The following TMEM255A variants were observed in gnomAD, a reference collection of about 807,000 sequenced individuals.
TMEM255A encodes family with sequence similarity 70, member A.
A neutral mutation model predicts 23.5 loss-of-function variants in TMEM255A; 14 were observed. That is an observed-to-expected ratio of 0.60 (90% CI 0.39 to 0.93). TMEM255A has a LOEUF of 0.93. Among genes scored for constraint, TMEM255A ranks in the 40% least tolerant of loss-of-function variants. The probability of loss-of-function intolerance (pLI) is 0.00; values close to 1 mark genes in which losing one functional copy is unlikely to be tolerated. For missense variants in TMEM255A, 233 were observed against 261.7 expected, an observed-to-expected ratio of 0.89 and a Z score of 0.76; for synonymous variants, 104 against 100.3, an observed-to-expected ratio of 1.04 and a Z score of -0.22.
intron 4 of TMEM255A, among the ~76,000 whole-genome samples, chrX:120,289,360 G>A (rs782227091): frequency 8.9e-6 from 1 of 112,248 alleles, no homozygotes; most frequent in Non-Finnish European, 1.9e-5. Context: ...GTGGTCATTA[G>A]AGGAAACTTC....
intron 5 of TMEM255A, chrX:120,285,712 T>A: frequency 8.3e-7 from 1 of 1,209,380 alleles, no homozygotes; most frequent in African/African-American, 1.7e-5. Context: ...GTAGGAAAAA[T>A]AGGGTTAGGG....
rs1180913848 is a variant in TMEM255A at position 120,258,970 on chromosome X, CAAAT to C, written c.*1896_*1899del. 1 of 112,271 alleles carries C rather than the reference CAAAT, an allele frequency of 8.9e-6. No individual in the cohort carries two copies. 9.3% of individuals were successfully genotyped at this position (112,271 alleles called of 1,213,427 possible). On this transcript the variant is annotated 3_prime_UTR_variant, in exon 9 of 9. Coordinates refer to ENST00000371369, the MANE Select transcript of TMEM255A (RefSeq NM_001104544.3). Reference sequence around the variant, plus strand: ...AATTCAATGTAATAAAAAAGCTGCTCAAATTAAGTGTTACAAAATCTATACTGTT... The same window carrying C: ...AATTCAATGTAATAAAAAAGCTGCTCTAAGTGTTACAAAATCTATACTGTT...
intron 1 of TMEM255A, among the ~76,000 whole-genome samples, chrX:120,309,280 C>G (rs1372894307): frequency 1.8e-5 from 2 of 113,368 alleles, no homozygotes; most frequent in Non-Finnish European, 3.7e-5. Flanking sequence ...TGATTCCTTT[C>G]CCGCAGTGTG....
At chrX:120,295,177 A>C (rs1243267338) in intron 2 of TMEM255A, among the ~76,000 whole-genome samples, 2 of 111,877 alleles carry the variant, frequency 1.8e-5, no homozygotes, top group African/African-American at 6.5e-5. Flanking sequence ...AAGAAGTAAA[A>C]AGTGGTGAGA....
chrX:120,309,012 C>A (rs913890467), intron 1 of TMEM255A, among the ~76,000 whole-genome samples: 2 of 112,670 alleles, frequency 1.8e-5, no homozygotes, highest in Non-Finnish European at 1.9e-5. Context: ...ACTAACCTAC[C>A]TACCCACTGT....
At position 120,277,053 on chromosome X, in the gene TMEM255A, C is replaced by T. The variant is rs782328283; in HGVS notation, c.513-6G>A. ...CACCAGTGATCTCCACCCGGCTGGA[C>T]AGGGAGGAGCATGCTCCAGTCAGTC... On this transcript the variant is annotated splice_polypyrimidine_tract_variant and splice_region_variant and intron_variant, in intron 6 of 8. Coordinates refer to ENST00000371369, the MANE Select transcript of TMEM255A (RefSeq NM_001104544.3). 1.5e-5 allele frequency: 18 copies of T among 1,202,138 alleles called. No individual in the cohort carries two copies. The Admixed American group carries it at 4.0e-4, about 26-fold the overall frequency.
chrX:120,293,868 G>T, intron 3 of TMEM255A, 121 bp downstream of exon 3: 1 of 484,325 alleles, frequency 2.1e-6, no homozygotes, highest in Non-Finnish European at 3.5e-6. Context: ...TAGGAGAAAC[G>T]GCAAAGTAGC....
chrX:120,255,145 C>T, downstream of TMEM255A: 3 of 1,211,769 alleles, frequency 2.5e-6, no homozygotes, highest in Non-Finnish European at 2.2e-6. Context: ...AGTCAAGATC[C>T]TTCTGGGGAC....
Position 120,277,030 on chromosome X carries a change from C to T in TMEM255A, c.530G>A (p.Gly177Asp). 1 of 1,208,696 alleles carries T rather than the reference C, an allele frequency of 8.3e-7. No homozygotes were observed. The highest frequency in any genetic ancestry group is 1.1e-6 in the Non-Finnish European group (1 of 893,959). ...GACATCGATGTATTCGTAGTACCCA[C>T]CAGTGATCTCCACCCGGCTGGACAG... Reference protein sequence around the residue: ...YNCGNRVEITGGYYEYIDVSS... With the variant: ...YNCGNRVEITDGYYEYIDVSS... Residue 177 changes from glycine to aspartate, a missense_variant, in exon 7 of 9, where the codon GGT becomes GAT. Gly to Asp is a moderately conservative substitution (Grantham distance 94). Transcript: ENST00000371369.
intron 7 of TMEM255A, among the ~76,000 whole-genome samples, chrX:120,272,161 A>G (rs1556018907): frequency 3.6e-5 from 4 of 111,416 alleles, no homozygotes; most frequent in African/African-American, 9.8e-5. Flanking sequence ...CCCAGCCCTT[A>G]CAGCTGCTCT....
At chrX:120,304,722 A>G (rs1319251935) in intron 1 of TMEM255A, among the ~76,000 whole-genome samples, 1 of 111,499 alleles carries the variant, frequency 9.0e-6, no homozygotes, top group Non-Finnish European at 1.9e-5. Flanking sequence ...TAAACAACAG[A>G]AGAAATTTCA....
chrX:120,292,282 G>A (rs1463875673), intron 3 of TMEM255A, among the ~76,000 whole-genome samples: 1 of 111,787 alleles, frequency 8.9e-6, no homozygotes, highest in East Asian at 2.8e-4. Flanking sequence ...CCAAATGTGG[G>A]GGAAAATAGG....
chrX:120,272,287 C>T (rs1410341706), intron 7 of TMEM255A, among the ~76,000 whole-genome samples: 1 of 112,015 alleles, frequency 8.9e-6, no homozygotes, highest in Non-Finnish European at 1.9e-5. Flanking sequence ...TCTCTCAGTA[C>T]TGAGGGTGCC....
chrX:120,268,530 G>T, intron 7 of TMEM255A, 143 bp from the exon 8 acceptor site: 1 of 403,486 alleles, frequency 2.5e-6, no homozygotes, highest in Admixed American at 5.6e-5. Flanking sequence ...GGTTGTCCAG[G>T]ATATATTTTT....
intron 2 of TMEM255A, among the ~76,000 whole-genome samples, chrX:120,298,235 A>G (rs2058010267): frequency 1.8e-5 from 2 of 111,074 alleles, no homozygotes; most frequent in African/African-American, 6.6e-5. Context: ...AAAATTAGTC[A>G]TTAGGTAAAT....
intron 4 of TMEM255A, among the ~76,000 whole-genome samples, chrX:120,289,927 A>G (rs949403027): frequency 9.0e-6 from 1 of 111,069 alleles, no homozygotes; most frequent in Non-Finnish European, 1.9e-5. Context: ...ACAAGAGAAT[A>G]TATATATTAT....
At chrX:120,269,064 G>C (rs782407935) in intron 7 of TMEM255A, among the ~76,000 whole-genome samples, 1 of 110,575 alleles carries the variant, frequency 9.0e-6, no homozygotes, top group Non-Finnish European at 1.9e-5. Context: ...CTGTAGAGTA[G>C]AGGCAAAATC....
rs1326131514 is a variant in TMEM255A at position 120,259,892 on chromosome X, C to G, written c.*978G>C. ...GACTGGTCTCAACAGACAAAAGGAC[C>G]GATAAGACCAGTGGCATTAAAATAC... On this transcript the variant is annotated 3_prime_UTR_variant, in exon 9 of 9. Coordinates refer to ENST00000371369, the MANE Select transcript of TMEM255A (RefSeq NM_001104544.3). 8.9e-6 allele frequency: 1 copy of G among 112,141 alleles called. No homozygotes were observed. The highest frequency in any genetic ancestry group is 1.9e-5 in the Non-Finnish European group (1 of 53,819). 9.2% of individuals were successfully genotyped at this position (112,141 alleles called of 1,213,427 possible).
At chrX:120,262,041 G>A (rs781783173) in intron 8 of TMEM255A, among the ~76,000 whole-genome samples, 14 of 111,982 alleles carry the variant, frequency 1.3e-4, no homozygotes, top group Non-Finnish European at 1.9e-4. Context: ...TGTAATCCCA[G>A]CACTGTAGGA....
Sources: allele counts gnomAD v4.1 joint callset (sites outside exome capture counted in the v4.1 genomes callset), GRCh38; gene constraint gnomAD v4.1.1; transcripts MANE v1.5; gene names NCBI Gene and HGNC (gene_info 2026-07-23, HGNC 2026-07-21).